Variants in UGT2B4 observed in about 807,000 individuals in gnomAD.
The protein encoded by UGT2B4 is UDP-glucuronosyltransferase 2B4.
UGT2B4 carries 49 observed loss-of-function variants against 49.8 expected under a neutral mutation model. That is an observed-to-expected ratio of 0.98 (90% CI 0.78 to 1.25). The LOEUF (loss-of-function observed/expected upper bound fraction) is 1.25, where lower values mean the gene tolerates loss of function less well. UGT2B4 is among the 50% of genes most tolerant of loss of function. The pLI, the probability that UGT2B4 is intolerant of heterozygous loss-of-function variation, is 0.00. For missense variants in UGT2B4, 729 were observed against 627.7 expected (o/e 1.16, Z -1.73); for synonymous variants, 246 against 217.7 (o/e 1.13, Z -1.14).
chr4:69,484,518 G>A (rs1321728241), intron 5 of UGT2B4, among the ~76,000 whole-genome samples: 1 of 151,932 alleles, frequency 6.6e-6, no homozygotes, highest in Non-Finnish European at 1.5e-5. Flanking sequence ...ACTGTACTTG[G>A]TAAAAGAAGT....
chr4:69,513,386 A>G (rs1728654803), intron 1 of UGT2B4, among the ~76,000 whole-genome samples: 3 of 152,024 alleles, frequency 2.0e-5, no homozygotes, highest in South Asian at 4.1e-4. Flanking sequence ...GGAAGATCAG[A>G]TGGTTGTAGG....
At chr4:69,517,150 G>GT (rs1173081370) in intron 1 of UGT2B4, among the ~76,000 whole-genome samples, 17 of 152,042 alleles carry the variant, frequency 1.1e-4, no homozygotes, top group Non-Finnish European at 2.4e-4. Context: ...CATCAGTGAA[G>GT]TAAATATTCT....
intron 5 of UGT2B4, among the ~76,000 whole-genome samples, chr4:69,482,335 C>T (rs1195236838): frequency 6.6e-6 from 1 of 152,154 alleles, no homozygotes; most frequent in East Asian, 1.9e-4. Context: ...CTAAAATACA[C>T]ATTTAAGCAT....
intron 1 of UGT2B4, among the ~76,000 whole-genome samples, chr4:69,517,291 A>C (rs1002457500): frequency 6.6e-6 from 1 of 152,158 alleles, no homozygotes; most frequent in Admixed American, 6.5e-5. Flanking sequence ...AGCAATAATA[A>C]AACTATCAAA....
intron 1 of UGT2B4, among the ~76,000 whole-genome samples, chr4:69,520,728 C>G (rs759818462): frequency 9.2e-5 from 14 of 152,140 alleles, no homozygotes; most frequent in Non-Finnish European, 1.0e-4. Context: ...AGGAAGGCAG[C>G]TAAATGGGGA....
chr4:69,517,321 C>T (rs1728756124), intron 1 of UGT2B4, among the ~76,000 whole-genome samples: 1 of 151,934 alleles, frequency 6.6e-6, no homozygotes, highest in South Asian at 2.1e-4. Context: ...TCTGAAGATT[C>T]TTCTAAAATT....
At chr4:69,515,166 G>A (rs1319328232) in intron 1 of UGT2B4, among the ~76,000 whole-genome samples, 1 of 152,160 alleles carries the variant, frequency 6.6e-6, no homozygotes, top group Non-Finnish European at 1.5e-5. Context: ...TTTGGATCAA[G>A]TGAACCTGAT....
intron 1 of UGT2B4, among the ~76,000 whole-genome samples, chr4:69,512,769 A>G (rs1399058240): frequency 6.6e-6 from 1 of 152,094 alleles, no homozygotes. Context: ...CTTTTGTATA[A>G]TAGCCATTTG....
In UGT2B4 at chr4:69,495,448, C is replaced by A; in HGVS notation, c.414G>T (p.Lys138Asn). 6.2e-7 allele frequency: 1 copy of A among 1,613,550 alleles called. No individual in the cohort carries two copies. Among genetic ancestry groups the A allele is most frequent in the Non-Finnish European group, 8.5e-7 (1 of 1,179,772 alleles). The stretch of plus-strand genomic sequence containing the variant: ...CATCAAATCTTGACTCCTGTAGTTT[C>A]TTCATAAGTTTCTTATTTGAAACTA... ...KDIVSNKKLM[K>N]KLQESRFDVV... is the part of the protein sequence containing the mutation. The change falls in exon 1 of 6, where the codon AAG (lysine) becomes AAT (asparagine). Residue 138 changes from lysine (K) to asparagine (N), a missense_variant. By Grantham distance (94) the Lys-to-Asn change is moderately conservative. Coordinates refer to ENST00000305107, the MANE Select transcript of UGT2B4 (RefSeq NM_021139.3).
chr4:69,482,758 C>A (rs1041756721), intron 5 of UGT2B4, among the ~76,000 whole-genome samples: 1 of 151,882 alleles, frequency 6.6e-6, no homozygotes, highest in Non-Finnish European at 1.5e-5. Flanking sequence ...AGGTGCGCAC[C>A]ACCATGCTTG....
At chr4:69,513,027 G>C (rs549071776) in intron 1 of UGT2B4, among the ~76,000 whole-genome samples, 1 of 152,292 alleles carries the variant, frequency 6.6e-6, no homozygotes, top group Admixed American at 6.5e-5. Context: ...CTCCCATTCT[G>C]TAGGTTGTGT....
At chr4:69,486,787 C>T in intron 3 of UGT2B4, 91 bp from the exon 4 acceptor site, 5 of 970,744 alleles carry the variant, frequency 5.2e-6, no homozygotes, top group South Asian at 4.6e-5. Context: ...ATGAGAAGAA[C>T]AAGGGATGTT....
At chr4:69,495,059 G>A (rs1728104283) in intron 1 of UGT2B4, 82 bp downstream of exon 1, 11 of 1,327,932 alleles carry the variant, frequency 8.3e-6, no homozygotes, top group Non-Finnish European at 1.1e-5. Flanking sequence ...CCACTACCCT[G>A]ACTTTATGGC....
chr4:69,495,007 T>A (rs745384971), intron 1 of UGT2B4, 134 bp downstream of exon 1: 14 of 823,248 alleles, frequency 1.7e-5, no homozygotes, highest in Non-Finnish European at 2.5e-5. Context: ...GTTTGGTAGA[T>A]CATCTTACAA....
chr4:69,511,909 T>C (rs1171653297), intron 1 of UGT2B4, among the ~76,000 whole-genome samples: 2 of 152,084 alleles, frequency 1.3e-5, no homozygotes, highest in African/African-American at 4.8e-5. Flanking sequence ...CTTATGAATA[T>C]ATCAATTTCT....
Position 69,513,216 on chromosome 4 carries a change from G to T in UGT2B4, c.-106+12471C>A, listed in dbSNP as rs187250150. 6.6e-5 allele frequency among the ~76,000 whole-genome samples: 10 copies of T among 152,092 alleles called. No homozygotes were observed. In the East Asian group the frequency reaches 1.9e-3, roughly 29 times the overall value. On this transcript the variant is annotated intron_variant, in intron 1 of 1. Transcript: ENST00000510114. ...TTCTTCTAGAGTTTTTGCAGTTTGG[G>T]GTTTTACATTTAAATCTTTAATCCA...
intron 1 of UGT2B4, 68 bp from the exon 2 acceptor site, chr4:69,493,909 A>C: frequency 6.5e-7 from 1 of 1,529,066 alleles, no homozygotes; most frequent in Non-Finnish European, 8.7e-7. Context: ...TTTCTGAAAG[A>C]AGTTAGAATA....
chr4:69,491,844 T>A (rs1019501166), intron 2 of UGT2B4, among the ~76,000 whole-genome samples: 1 of 152,074 alleles, frequency 6.6e-6, no homozygotes, highest in Non-Finnish European at 1.5e-5. Flanking sequence ...TTTAGAAAGT[T>A]ACCATATAAA....
chr4:69,511,061 G>A (rs111972767), intron 1 of UGT2B4, among the ~76,000 whole-genome samples: 5 of 146,702 alleles, frequency 3.4e-5, no homozygotes, highest in African/African-American at 1.0e-4. Context: ...AAACTAGGTA[G>A]GCTCACTGCA....
Sources: allele counts gnomAD v4.1 joint callset (sites outside exome capture counted in the v4.1 genomes callset), GRCh38; gene constraint gnomAD v4.1.1; transcripts MANE v1.5; gene names NCBI Gene and HGNC (gene_info 2026-07-23, HGNC 2026-07-21).